The following TIAM2 variants were observed in gnomAD, a reference collection of about 807,000 sequenced individuals.
TIAM2 encodes the protein TIAM Rac1 associated GEF 2.
In TIAM2, 80 loss-of-function variants were observed where a neutral mutation model predicts 152.9. The ratio of observed to expected loss-of-function variants is 0.52; its 90% CI spans 0.44 to 0.63. TIAM2 has a LOEUF of 0.63. Ranked by LOEUF, TIAM2 falls within the 30% of genes least tolerant of loss-of-function variation. The pLI is 0.00. For synonymous variants in TIAM2, 804 were observed against 838.0 expected (o/e 0.96, Z 0.70); for missense variants, 1,965 against 2,120.1 (o/e 0.93, Z 1.44).
At chr6:155,027,792 T>A (rs55686390) in intron 1 of TIAM2, among the ~76,000 whole-genome samples, 15 of 91,072 alleles carry the variant, frequency 1.6e-4, no homozygotes, top group African/African-American at 4.0e-4. Flanking sequence ...ATGTACTGTG[T>A]TACATATATA....
chr6:155,029,385 T>TTA (rs1226675748), intron 1 of TIAM2, among the ~76,000 whole-genome samples: 4 of 93,040 alleles, frequency 4.3e-5, no homozygotes, highest in East Asian at 7.1e-4. Flanking sequence ...ATATACTATG[T>TTA]TATATATATA....
intron 1 of TIAM2, among the ~76,000 whole-genome samples, chr6:155,065,373 C>T (rs35024383): frequency 0.36 from 54,428 of 151,962 alleles, 10,555 homozygotes; most frequent in Middle Eastern, 0.48. Context: ...CCCATGTGAT[C>T]ATTTTATTTC....
At chr6:155,199,967 A>G (rs1293105881) in intron 14 of TIAM2, among the ~76,000 whole-genome samples, 2 of 152,222 alleles carry the variant, frequency 1.3e-5, no homozygotes, top group Non-Finnish European at 2.9e-5. Flanking sequence ...GGTAGCTTGG[A>G]CAAGGTCATA....
chr6:155,043,467 A>C (rs1209297566), intron 1 of TIAM2, among the ~76,000 whole-genome samples: 2 of 151,766 alleles, frequency 1.3e-5, no homozygotes, highest in Non-Finnish European at 2.9e-5. Flanking sequence ...CCCTGTCTGT[A>C]CCAGAAACAA....
intron 15 of TIAM2, among the ~76,000 whole-genome samples, chr6:155,220,472 C>CGTGG (rs1176059236): frequency 1.3e-5 from 2 of 152,114 alleles, no homozygotes; most frequent in Non-Finnish European, 2.9e-5. Flanking sequence ...CCAGCCTGGC[C>CGTGG]CCACCAGTGC....
chr6:155,093,875 C>G (rs1056859607), intron 2 of TIAM2, among the ~76,000 whole-genome samples: 2 of 152,150 alleles, frequency 1.3e-5, no homozygotes, highest in Non-Finnish European at 1.5e-5. Flanking sequence ...TAGGATTTAG[C>G]CTTCTGAAGT....
chr6:155,169,152 C>T (rs751405328), intron 9 of TIAM2, among the ~76,000 whole-genome samples: 53 of 152,048 alleles, frequency 3.5e-4, no homozygotes, highest in Non-Finnish European at 5.0e-4. Context: ...CCCGCCACCA[C>T]GCCCGGCTAA....
chr6:155,250,856 G>T, intron 21 of TIAM2, 57 bp from the exon 22 acceptor site: 1 of 1,541,770 alleles, frequency 6.5e-7, no homozygotes, highest in Non-Finnish European at 9.0e-7. Context: ...TATCTAACAA[G>T]AGATCATCTA....
intron 2 of TIAM2, among the ~76,000 whole-genome samples, chr6:155,115,466 T>C (rs1230266370): frequency 1.3e-5 from 2 of 151,670 alleles, no homozygotes; most frequent in Non-Finnish European, 2.9e-5. Flanking sequence ...CTGGGCAACA[T>C]AGTGAGACCC....
intron 5 of TIAM2, among the ~76,000 whole-genome samples, chr6:155,143,776 C>G (rs1779764149): frequency 6.6e-6 from 1 of 152,112 alleles, no homozygotes; most frequent in African/African-American, 2.4e-5. Flanking sequence ...CTCCACAGTG[C>G]AGCGGTGGGA....
At chr6:155,110,375 T>C (rs1045245054) in intron 2 of TIAM2, among the ~76,000 whole-genome samples, 1 of 144,828 alleles carries the variant, frequency 6.9e-6, no homozygotes, top group Non-Finnish European at 1.5e-5. Context: ...ACCAAACGTG[T>C]TTGGTAACCT....
At chr6:155,203,999 C>T (rs549856601) in intron 14 of TIAM2, among the ~76,000 whole-genome samples, 44 of 152,222 alleles carry the variant, frequency 2.9e-4, no homozygotes, top group African/African-American at 1.0e-3. Flanking sequence ...GTTTGTGTTT[C>T]TGTTTTTGGT....
intron 1 of TIAM2, among the ~76,000 whole-genome samples, chr6:154,997,539 A>G (rs925649807): frequency 2.7e-5 from 4 of 150,120 alleles, no homozygotes; most frequent in African/African-American, 9.8e-5. Flanking sequence ...GCCTATCCCC[A>G]CTACTGTACT....
In TIAM2 at chr6:155,240,719, G is replaced by T. The variant is rs369983462; in HGVS notation, c.3348+10G>T. 32 of 1,604,070 alleles carry T rather than the reference G, an allele frequency of 2.0e-5. No individual in the cohort carries two copies. In the African/African-American group the frequency reaches 4.0e-4, roughly 20 times the overall value. ...GAAGTCCTACGTGAAGGTAAGGGAAGAGCTGGCATTTATGCATTCGTGCCT... is the reference window on the plus strand; with the variant it reads ...GAAGTCCTACGTGAAGGTAAGGGAATAGCTGGCATTTATGCATTCGTGCCT... On this transcript the variant is annotated intron_variant, in intron 16 of 26. Transcript: ENST00000682666.
intron 1 of TIAM2, among the ~76,000 whole-genome samples, chr6:155,027,840 T>A (rs1277230643): frequency 9.7e-6 from 1 of 103,024 alleles, no homozygotes; most frequent in Non-Finnish European, 1.8e-5. Context: ...ATATATACTA[T>A]ATATAATATA....
chr6:155,179,092 T>C lies in TIAM2; in HGVS notation c.2577T>C (p.Asp859=), dbSNP rs1583232838. The change falls in exon 11 of 27, where the codon GAT becomes GAC. Residue 859 remains aspartate (D), a synonymous_variant. Transcript: ENST00000682666. ...GCCTACAGCTTCGAAAATTAGTAGA[T>C]GACAATGTTGAGTATTGCATCCCTG... ...HYGLQLRKLV[D]DNVEYCIPAP... 2 of 1,614,170 alleles carry C rather than the reference T, an allele frequency of 1.2e-6. No homozygotes were observed. Among genetic ancestry groups the C allele is most frequent in the African/African-American group, 2.7e-5 (2 of 75,052 alleles).
rs1043831384 is a variant in TIAM2 at position 154,995,336 on chromosome 6, C to G, written c.-365C>G. Reference sequence around the variant, plus strand: ...GGGCAGCGGTAACCGTAACTGTGGCCGCGGCCGCCGCAGGCGCACAGCGCG... The same window carrying G: ...GGGCAGCGGTAACCGTAACTGTGGCGGCGGCCGCCGCAGGCGCACAGCGCG... On this transcript the variant is annotated 5_prime_UTR_variant, in exon 1 of 27. Coordinates refer to ENST00000682666, the MANE Select transcript of TIAM2 (RefSeq NM_012454.4). This position sits in a 1 kb window ranked among gnomAD's most constrained non-coding sequence, Gnocchi z 5.2. 1 of 151,168 alleles carries G rather than the reference C, an allele frequency of 6.6e-6. No homozygotes were observed. The highest frequency in any genetic ancestry group is 2.0e-4 in the South Asian group (1 of 4,950). 9.4% of individuals were successfully genotyped at this position (151,168 alleles called of 1,614,324 possible).
intron 3 of TIAM2, among the ~76,000 whole-genome samples, chr6:155,128,111 G>A (rs1460785870): frequency 1.3e-5 from 2 of 152,134 alleles, no homozygotes; most frequent in Non-Finnish European, 2.9e-5. Flanking sequence ...GACTCCTTGA[G>A]CAAACTGGGG....
chr6:155,001,902 T>C (rs1466457670), intron 1 of TIAM2, among the ~76,000 whole-genome samples: 1 of 152,202 alleles, frequency 6.6e-6, no homozygotes, highest in Non-Finnish European at 1.5e-5. Flanking sequence ...TTGCAAATCT[T>C]TCCTTATGCT....
Sources: allele counts gnomAD v4.1 joint callset (sites outside exome capture counted in the v4.1 genomes callset), GRCh38; gene constraint gnomAD v4.1.1; non-coding constraint Gnocchi (gnomAD v3.1); transcripts MANE v1.5; gene names NCBI Gene and HGNC (gene_info 2026-07-23, HGNC 2026-07-21).